INVS: variants seen among roughly 807,000 people sequenced by gnomAD.
INVS encodes inversin, also known as inversion of embryo turning homolog.
In INVS, 86 loss-of-function variants were observed where a neutral mutation model predicts 108.8. The observed-to-expected ratio is 0.79, with a 90% CI of 0.66 to 0.95. The LOEUF is 0.95. Ranked by LOEUF, INVS falls within the 40% of genes least tolerant of loss-of-function variation. INVS has a pLI of 0.00. For synonymous variants in INVS, 455 were observed against 473.5 expected, an observed-to-expected ratio of 0.96 and a Z score of 0.51; for missense variants, 1,169 against 1,297.4, an observed-to-expected ratio of 0.90 and a Z score of 1.52.
chr9:100,128,258 T>C (rs1339761246), intron 3 of INVS, among the ~76,000 whole-genome samples: 1 of 152,240 alleles, frequency 6.6e-6, no homozygotes, highest in African/African-American at 2.4e-5. Context: ...TATAAGTTTT[T>C]CATAGTATCG....
At chr9:100,202,296 C>A (rs1324380928) in intron 3 of INVS, among the ~76,000 whole-genome samples, 1 of 152,148 alleles carries the variant, frequency 6.6e-6, no homozygotes, top group Non-Finnish European at 1.5e-5. Context: ...GTTTCCTGTA[C>A]TGAACCTGCC....
intron 3 of INVS, among the ~76,000 whole-genome samples, chr9:100,145,768 A>T (rs1828588173): frequency 6.6e-6 from 1 of 152,156 alleles, no homozygotes; most frequent in Non-Finnish European, 1.5e-5. Context: ...CACCAAGGGA[A>T]GACTGTCTTC....
At chr9:100,283,269 A>G (rs1257090990) in intron 12 of INVS, among the ~76,000 whole-genome samples, 2 of 152,230 alleles carry the variant, frequency 1.3e-5, no homozygotes, top group Non-Finnish European at 2.9e-5. Flanking sequence ...GTACCACTGC[A>G]CAGTGCACTC....
chr9:100,242,728 T>C (rs1223474168), intron 7 of INVS, 49 bp downstream of exon 7: 3 of 1,093,212 alleles, frequency 2.7e-6, no homozygotes, highest in Non-Finnish European at 4.2e-6. Flanking sequence ...AATTGTTATT[T>C]TTATATAATT....
intron 2 of INVS, among the ~76,000 whole-genome samples, chr9:100,108,032 A>G (rs1827231233): frequency 6.6e-6 from 1 of 152,202 alleles, no homozygotes; most frequent in South Asian, 2.1e-4. Context: ...ACTAAATTCC[A>G]TGAGAAAAAA....
intron 3 of INVS, among the ~76,000 whole-genome samples, chr9:100,196,288 G>A (rs1830371867): frequency 6.6e-6 from 1 of 152,086 alleles, no homozygotes; most frequent in African/African-American, 2.4e-5. Context: ...AAAAAGTGAT[G>A]GTCAGAATTC....
chr9:100,177,862 C>T (rs1382086064), intron 3 of INVS, among the ~76,000 whole-genome samples: 2 of 152,200 alleles, frequency 1.3e-5, no homozygotes. Flanking sequence ...CCGACAGACA[C>T]CTCATACAGG....
At chr9:100,232,418 G>A (rs1209858970) in intron 5 of INVS, among the ~76,000 whole-genome samples, 4 of 152,128 alleles carry the variant, frequency 2.6e-5, no homozygotes, top group Admixed American at 6.5e-5. Flanking sequence ...TAGTCATGAA[G>A]TCTTTGCCCA....
chr9:100,177,327 G>A (rs1829748998), intron 3 of INVS, among the ~76,000 whole-genome samples: 1 of 152,190 alleles, frequency 6.6e-6, no homozygotes, highest in South Asian at 2.1e-4. Flanking sequence ...AAGTGGTCTA[G>A]CTCAGCAGAT....
At chr9:100,248,017 C>T (rs1832100438) in intron 8 of INVS, among the ~76,000 whole-genome samples, 1 of 151,972 alleles carries the variant, frequency 6.6e-6, no homozygotes, top group Non-Finnish European at 1.5e-5. Flanking sequence ...GGGGTTTCAC[C>T]ATGTTGCCCA....
chr9:100,268,513 G>A (rs1832859422), intron 11 of INVS, among the ~76,000 whole-genome samples: 1 of 152,100 alleles, frequency 6.6e-6, no homozygotes, highest in Non-Finnish European at 1.5e-5. Flanking sequence ...CCTCACTCAA[G>A]ATGGAGTCCT....
chr9:100,294,711 C>T (rs1380062378), intron 14 of INVS, among the ~76,000 whole-genome samples: 8 of 152,104 alleles, frequency 5.3e-5, no homozygotes, highest in Admixed American at 5.2e-4. Flanking sequence ...GAGGTGGGCC[C>T]CATGCACTTT....
chr9:100,203,634 C>G (rs1830594529), intron 3 of INVS, among the ~76,000 whole-genome samples: 1 of 151,650 alleles, frequency 6.6e-6, no homozygotes, highest in African/African-American at 2.4e-5. Context: ...TTCCAAGTAG[C>G]TGGGATTACA....
chr9:100,175,652 A>G, intron 3 of INVS: 1 of 648,782 alleles, frequency 1.5e-6, no homozygotes, highest in Non-Finnish European at 2.9e-6. Context: ...AGGCCTGAGC[A>G]CCTACCTACC....
intron 10 of INVS, among the ~76,000 whole-genome samples, chr9:100,255,958 T>C (rs916807641): frequency 8.5e-5 from 13 of 152,242 alleles, no homozygotes; most frequent in African/African-American, 3.1e-4. Flanking sequence ...TCCCTCTGTT[T>C]CTATTGATTG....
At chr9:100,237,121 G>T (rs576288305) in intron 5 of INVS, among the ~76,000 whole-genome samples, 1 of 152,140 alleles carries the variant, frequency 6.6e-6, no homozygotes, top group Admixed American at 6.6e-5. Flanking sequence ...GGTGGGCTCC[G>T]CTCAGTTCAA....
chr9:100,161,314 G>A (rs1208734441), intron 3 of INVS, among the ~76,000 whole-genome samples: 2 of 125,122 alleles, frequency 1.6e-5, no homozygotes, highest in Non-Finnish European at 3.1e-5. Context: ...AGACGAGATC[G>A]CACCACTGCA....
At chr9:100,179,248 A>G (rs564721164) in intron 3 of INVS, among the ~76,000 whole-genome samples, 1 of 152,230 alleles carries the variant, frequency 6.6e-6, no homozygotes, top group Non-Finnish European at 1.5e-5. Context: ...CAAAATAACC[A>G]GGTAGCATCA....
intron 16 of INVS, 98 bp downstream of exon 16, chr9:100,298,108 G>T: frequency 6.3e-7 from 1 of 1,590,646 alleles, no homozygotes; most frequent in Non-Finnish European, 8.6e-7. Context: ...AACAGATATG[G>T]CCAGGGTTTT....
Sources: allele counts gnomAD v4.1 joint callset (sites outside exome capture counted in the v4.1 genomes callset), GRCh38; gene constraint gnomAD v4.1.1; transcripts MANE v1.5; gene names NCBI Gene and HGNC (gene_info 2026-07-23, HGNC 2026-07-21).